The following TRAPPC9 variants were observed in gnomAD, a reference collection of about 807,000 sequenced individuals.
TRAPPC9 encodes trafficking protein particle complex subunit 9, also known as IKK2 binding protein.
A neutral mutation model predicts 124.0 loss-of-function variants in TRAPPC9; 83 were observed. The observed-to-expected ratio is 0.67, with a 90% confidence interval of 0.56 to 0.80. The LOEUF is 0.80. Ranked by LOEUF, TRAPPC9 falls within the 30% of genes least tolerant of loss-of-function variation. The pLI is 0.00. For missense variants in TRAPPC9, 1,302 were observed against 1,508.3 expected, an observed-to-expected ratio of 0.86 and a Z score of 2.27; for synonymous variants, 638 against 617.5, an observed-to-expected ratio of 1.03 and a Z score of -0.49.
chr8:140,313,182 T>C (rs1225573698), intron 9 of TRAPPC9, among the ~76,000 whole-genome samples: 2 of 152,210 alleles, frequency 1.3e-5, no homozygotes, highest in African/African-American at 4.8e-5. Context: ...TCATTCTCAA[T>C]CTATAAAAAT....
chr8:140,336,395 A>C (rs750294649), intron 9 of TRAPPC9, among the ~76,000 whole-genome samples: 15 of 152,210 alleles, frequency 9.9e-5, no homozygotes, highest in Non-Finnish European at 1.6e-4. Flanking sequence ...AATGAGAGAC[A>C]GCTGATGTGA....
chr8:139,927,702 A>G (rs1315031123), intron 19 of TRAPPC9, among the ~76,000 whole-genome samples: 1 of 152,234 alleles, frequency 6.6e-6, no homozygotes, highest in African/African-American at 2.4e-5. Context: ...AGTAGAAACA[A>G]CCCAAATGCC....
At chr8:139,905,711 C>A (rs1355665332) in intron 20 of TRAPPC9, among the ~76,000 whole-genome samples, 1 of 151,594 alleles carries the variant, frequency 6.6e-6, no homozygotes, top group African/African-American at 2.4e-5. Flanking sequence ...TGTACAGTAG[C>A]TAACACATAG....
chr8:140,120,192 T>A (rs2060958219), intron 17 of TRAPPC9, among the ~76,000 whole-genome samples: 1 of 152,192 alleles, frequency 6.6e-6, no homozygotes, highest in African/African-American at 2.4e-5. Flanking sequence ...ATACCATGCA[T>A]CCACAAGATA....
intron 21 of TRAPPC9, among the ~76,000 whole-genome samples, chr8:139,783,973 G>A (rs1465676789): frequency 6.6e-6 from 1 of 152,152 alleles, no homozygotes; most frequent in Admixed American, 6.5e-5. Context: ...AAAACTCTCA[G>A]CAAGCCAGGA....
At chr8:140,170,137 C>T (rs2061937399) in intron 17 of TRAPPC9, among the ~76,000 whole-genome samples, 1 of 151,962 alleles carries the variant, frequency 6.6e-6, no homozygotes. Context: ...AAACAGAAGC[C>T]CTATCAGGAT....
chr8:140,422,444 TA>T (rs1340085755), intron 5 of TRAPPC9, among the ~76,000 whole-genome samples: 1 of 152,130 alleles, frequency 6.6e-6, no homozygotes, highest in Non-Finnish European at 1.5e-5. Flanking sequence ...AAAGGACTCA[TA>T]TATAGAATAT....
chr8:140,160,038 T>A (rs756860826), intron 17 of TRAPPC9, among the ~76,000 whole-genome samples: 1 of 152,080 alleles, frequency 6.6e-6, no homozygotes, highest in African/African-American at 2.4e-5. Context: ...AACAGACACA[T>A]GAAAAAACGC....
At chr8:140,144,437 T>C (rs1044049815) in intron 17 of TRAPPC9, among the ~76,000 whole-genome samples, 11 of 151,944 alleles carry the variant, frequency 7.2e-5, no homozygotes, top group Admixed American at 3.3e-4. Flanking sequence ...CAGGGTACTG[T>C]TGGCTAATGA....
intron 18 of TRAPPC9, among the ~76,000 whole-genome samples, chr8:140,006,645 A>C (rs1490025254): frequency 1.3e-5 from 2 of 152,262 alleles, no homozygotes; most frequent in Admixed American, 1.3e-4. Flanking sequence ...TCCATTCAAC[A>C]GAAAATTATT....
At chr8:139,736,532 G>A (rs1818174828) in intron 21 of TRAPPC9, among the ~76,000 whole-genome samples, 2 of 152,208 alleles carry the variant, frequency 1.3e-5, no homozygotes, top group African/African-American at 4.8e-5. Context: ...CAGAGGAAAA[G>A]CAAACCTTCC....
intron 17 of TRAPPC9, among the ~76,000 whole-genome samples, chr8:140,035,544 C>A (rs892586238): frequency 6.6e-6 from 1 of 152,356 alleles, no homozygotes; most frequent in South Asian, 2.1e-4. Context: ...CTGCCAGACA[C>A]AATGCTGGGA....
Position 140,210,347 on chromosome 8 carries a change from T to C in TRAPPC9, c.2556+11112A>G, listed in dbSNP as rs142470180. 4.4e-3 allele frequency among the ~76,000 whole-genome samples: 666 copies of C among 152,324 alleles called. 4 individuals carry two copies. Among genetic ancestry groups the C allele is most frequent in the Non-Finnish European group, 7.4e-3 (503 of 68,028 alleles). On this transcript the variant is annotated intron_variant, in intron 17 of 22. Transcript: ENST00000438773. ...GTCTGTGGTGAACGCGCACCGTCAA[T>C]GCAGAGGAAACTCCAGGCGCAGGGC...
chr8:140,044,211 T>A (rs907257075), intron 17 of TRAPPC9, among the ~76,000 whole-genome samples: 6 of 147,484 alleles, frequency 4.1e-5, no homozygotes, highest in African/African-American at 1.5e-4. Flanking sequence ...GGACAAACAT[T>A]CACTGGGTGC....
chr8:140,425,401 C>T (rs1211122793), intron 5 of TRAPPC9, among the ~76,000 whole-genome samples: 5 of 152,192 alleles, frequency 3.3e-5, no homozygotes, highest in Admixed American at 6.5e-5. Context: ...ACAGCAGAAC[C>T]TTGATGCACC....
rs565006878 is a variant in TRAPPC9 at position 139,870,888 on chromosome 8, G to A, written c.3055+14991C>T. The stretch of plus-strand genomic sequence containing the variant: ...AAACACTTAGTGCACTGGCTTGCAG[G>A]GGCTACCATGCAGTGGGAGAAAGGC... On this transcript the variant is annotated intron_variant, in intron 21 of 22. Coordinates refer to ENST00000438773, the MANE Select transcript of TRAPPC9 (RefSeq NM_001160372.4). Among the ~76,000 whole-genome samples the A allele has an allele frequency of 6.3e-4, 96 of 152,292 alleles. No individual in the cohort carries two copies. In the Middle Eastern group the frequency reaches 0.01, roughly 16 times the overall value.
At chr8:139,991,283 A>G (rs1288939105) in intron 18 of TRAPPC9, among the ~76,000 whole-genome samples, 1 of 152,238 alleles carries the variant, frequency 6.6e-6, no homozygotes, top group East Asian at 1.9e-4. Flanking sequence ...ATGGCACAGG[A>G]ATGAGCAGCA....
intron 10 of TRAPPC9, among the ~76,000 whole-genome samples, chr8:140,310,478 C>A (rs1379457593): frequency 6.6e-6 from 1 of 152,230 alleles, no homozygotes. Flanking sequence ...TCAGAAATCA[C>A]CTCACAAGAT....
intron 9 of TRAPPC9, among the ~76,000 whole-genome samples, chr8:140,346,151 C>T (rs1453829113): frequency 6.6e-6 from 1 of 152,216 alleles, no homozygotes; most frequent in East Asian, 1.9e-4. Flanking sequence ...ACCGAGCCTT[C>T]GACCTAAGGA....
Sources: gnomAD v4.1 joint callset for allele counts (sites outside exome capture counted in the v4.1 genomes callset) on GRCh38, gnomAD v4.1.1 for gene constraint, MANE v1.5 for transcripts, NCBI Gene and HGNC (gene_info 2026-07-23, HGNC 2026-07-21) for gene names.